The following CNTN1 variants were observed in gnomAD, a reference collection of about 807,000 sequenced individuals.
CNTN1 encodes the protein contactin-1.
In CNTN1, 38 loss-of-function variants were observed where a neutral mutation model predicts 126.4. The ratio of observed to expected loss-of-function variants is 0.30; its 90% CI spans 0.23 to 0.39. The LOEUF is 0.39. Ranked by LOEUF, CNTN1 falls within the 10% of genes least tolerant of loss-of-function variation. CNTN1 has a pLI of 1.00. For missense variants in CNTN1, 1,009 were observed against 1,248.4 expected (o/e 0.81, Z 2.89); for synonymous variants, 413 against 422.6 (o/e 0.98, Z 0.28).
At chr12:41,059,952 G>T (rs889036727) in intron 23 of CNTN1, among the ~76,000 whole-genome samples, 3 of 152,094 alleles carry the variant, frequency 2.0e-5, no homozygotes, top group African/African-American at 7.2e-5. Context: ...CTTGAGCCTG[G>T]GAAGTAAAGG....
At chr12:40,980,002 A>G (rs1382587057) in intron 15 of CNTN1, among the ~76,000 whole-genome samples, 1 of 152,188 alleles carries the variant, frequency 6.6e-6, no homozygotes, top group African/African-American at 2.4e-5. Flanking sequence ...TATATTATAT[A>G]AGTAGAAACA....
At chr12:41,045,511 A>G (rs1338737597) in intron 23 of CNTN1, among the ~76,000 whole-genome samples, 1 of 152,154 alleles carries the variant, frequency 6.6e-6, no homozygotes, top group East Asian at 1.9e-4. Flanking sequence ...ATTTCTCATA[A>G]ATATTACTGG....
At chr12:40,822,146 A>ATTTT (rs1315956279) in intron 1 of CNTN1, among the ~76,000 whole-genome samples, 3 of 81,892 alleles carry the variant, frequency 3.7e-5, no homozygotes, top group African/African-American at 1.2e-4. Flanking sequence ...CAAAATATAA[A>ATTTT]TCTTTTTTTT....
At chr12:40,759,774 A>T (rs1480283180) in intron 1 of CNTN1, among the ~76,000 whole-genome samples, 46 of 133,582 alleles carry the variant, frequency 3.4e-4, no homozygotes, top group South Asian at 1.4e-3. Context: ...TGGCCCAGAT[A>T]TTTTTTTTTT....
chr12:41,050,769 C>T (rs561207743), intron 23 of CNTN1, among the ~76,000 whole-genome samples: 8 of 152,238 alleles, frequency 5.3e-5, no homozygotes, highest in South Asian at 2.1e-4. Context: ...CAATTATAAC[C>T]GGAAGTATGA....
intron 17 of CNTN1, among the ~76,000 whole-genome samples, chr12:41,010,130 C>G (rs941525129): frequency 6.6e-6 from 1 of 151,982 alleles, no homozygotes; most frequent in African/African-American, 2.4e-5. Flanking sequence ...GAGACTGGCT[C>G]TAGTGTTCAC....
intron 1 of CNTN1, among the ~76,000 whole-genome samples, chr12:40,835,338 C>T (rs79902176): frequency 0.031 from 4,789 of 152,186 alleles, 138 homozygotes; most frequent in African/African-American, 0.08. Context: ...AAGTACCATA[C>T]CCAGGAATAT....
At chr12:40,871,842 A>T (rs1447361821) in intron 1 of CNTN1, among the ~76,000 whole-genome samples, 1 of 152,098 alleles carries the variant, frequency 6.6e-6, no homozygotes, top group African/African-American at 2.4e-5. Context: ...TGACAGAAAA[A>T]ATGCAGATTT....
chr12:40,893,304 A>G (rs1944303568), intron 1 of CNTN1, among the ~76,000 whole-genome samples: 1 of 152,062 alleles, frequency 6.6e-6, no homozygotes, highest in African/African-American at 2.4e-5. Context: ...CTCAAAATTG[A>G]TGCTTTATTG....
At chr12:41,012,002 C>T (rs539837181) in intron 17 of CNTN1, among the ~76,000 whole-genome samples, 1 of 152,312 alleles carries the variant, frequency 6.6e-6, no homozygotes, top group South Asian at 2.1e-4. Flanking sequence ...AGAGTTTTCC[C>T]ATTCACAGAA....
Position 41,029,085 on chromosome 12 carries a change from A to T in CNTN1, c.2846A>T (p.Gln949Leu). The T allele has an allele frequency of 6.2e-7, 1 of 1,614,122 alleles. No individual in the cohort carries two copies. The highest frequency in any genetic ancestry group is 8.5e-7 in the Non-Finnish European group (1 of 1,179,990). The change falls in exon 23 of 24, where the codon CAG becomes CTG. Residue 949 changes from glutamine (Q) to leucine (L), a missense_variant. Transcript: ENST00000551295. ...AAGGTACTCTACAGACCTGATGGCC[A>T]GCATGATGGCAAGCTGTATTCAACT... is the stretch of plus-strand genomic sequence containing the variant. Reference protein sequence around the residue: ...GYKVLYRPDGQHDGKLYSTHK... With the variant: ...GYKVLYRPDGLHDGKLYSTHK...
At position 40,959,107 on chromosome 12, in the gene CNTN1, C is replaced by T. The variant is rs1043999763; in HGVS notation, c.1684-7C>T. Reference sequence around the variant, plus strand: ...CTGATTTGAATAATTGCTGTTTTTGCTAACAGCTGGATTCCAATGGGGAAT... The same window carrying T: ...CTGATTTGAATAATTGCTGTTTTTGTTAACAGCTGGATTCCAATGGGGAAT... On this transcript the variant is annotated splice_polypyrimidine_tract_variant and splice_region_variant and intron_variant, in intron 14 of 23. Coordinates refer to ENST00000551295, the MANE Select transcript of CNTN1 (RefSeq NM_001843.4). 1 of 1,612,088 alleles carries T rather than the reference C, an allele frequency of 6.2e-7. No homozygotes were observed.
At chr12:40,996,164 C>T (rs1468190137) in intron 17 of CNTN1, among the ~76,000 whole-genome samples, 1 of 149,716 alleles carries the variant, frequency 6.7e-6, no homozygotes, top group African/African-American at 2.5e-5. Flanking sequence ...TTAGACAGTT[C>T]AGTGGCTCTT....
chr12:40,827,351 C>T (rs1231617980), intron 1 of CNTN1, among the ~76,000 whole-genome samples: 2 of 151,966 alleles, frequency 1.3e-5, no homozygotes, highest in Non-Finnish European at 2.9e-5. Flanking sequence ...AAACTCCTTC[C>T]ACATTTTTGA....
rs535279437 is a variant in CNTN1 at position 41,019,078 on chromosome 12, C to A, written c.2420-1259C>A. On this transcript the variant is annotated intron_variant, in intron 19 of 23. Transcript: ENST00000551295. ...GGCTGAGGCAGGAGAATCACTTGAA[C>A]CTGGGAGGTGGAGGTTGTGGTGAAC... 2.6e-5 allele frequency among the ~76,000 whole-genome samples: 4 copies of A among 152,222 alleles called. No homozygotes were observed. In the East Asian group the frequency reaches 7.7e-4, roughly 29 times the overall value.
intron 1 of CNTN1, among the ~76,000 whole-genome samples, chr12:40,704,894 G>T (rs1941699201): frequency 6.6e-6 from 1 of 152,094 alleles, no homozygotes; most frequent in East Asian, 1.9e-4. Flanking sequence ...AATTGCCATT[G>T]CTACTGACCT....
At chr12:40,982,947 T>TGGGGGGA (rs1311569700) in intron 16 of CNTN1, among the ~76,000 whole-genome samples, 1 of 33,934 alleles carries the variant, frequency 2.9e-5, no homozygotes, top group African/African-American at 1.2e-4. Flanking sequence ...TGTCTTGGGG[T>TGGGGGGA]GGGGGGAGGG....
intron 15 of CNTN1, among the ~76,000 whole-genome samples, chr12:40,961,120 A>G (rs573360997): frequency 6.6e-6 from 1 of 152,060 alleles, no homozygotes; most frequent in Non-Finnish European, 1.5e-5. Flanking sequence ...AAGAAGCTAT[A>G]GCCAATATTA....
At chr12:40,991,720 C>A (rs533191175) in intron 16 of CNTN1, among the ~76,000 whole-genome samples, 1 of 152,078 alleles carries the variant, frequency 6.6e-6, no homozygotes, top group South Asian at 2.1e-4. Flanking sequence ...CCCAGCTACT[C>A]GGGAGGCTGA....
Sources: allele counts gnomAD v4.1 joint callset (sites outside exome capture counted in the v4.1 genomes callset), GRCh38; gene constraint gnomAD v4.1.1; transcripts MANE v1.5; gene names NCBI Gene and HGNC (gene_info 2026-07-23, HGNC 2026-07-21).